The following IL19 variants were observed in gnomAD, a reference collection of about 807,000 sequenced individuals.
IL19 encodes interleukin 19.
A neutral mutation model predicts 19.5 loss-of-function variants in IL19; 15 were observed. The observed-to-expected ratio is 0.77, with a 90% confidence interval of 0.52 to 1.19. IL19 has a LOEUF of 1.19. Ranked by LOEUF, IL19 falls within the 50% of genes most tolerant of loss-of-function variation. IL19 has a pLI of 0.00. For synonymous variants in IL19, 78 were observed against 78.3 expected (o/e 1.00, Z 0.02); for missense variants, 199 against 213.1 (o/e 0.93, Z 0.41).
chr1:206,829,098 C>CT (rs1676519223), intron 2 of IL19: 1 of 151,578 alleles, frequency 6.6e-6, no homozygotes, highest in Admixed American at 6.6e-5. Flanking sequence ...ATCCTCCCAC[C>CT]TCGGCTTCCC....
At chr1:206,805,519 A>G (rs1675827268) in intron 2 of IL19, among the ~76,000 whole-genome samples, 1 of 152,284 alleles carries the variant, frequency 6.6e-6, no homozygotes, top group Non-Finnish European at 1.5e-5. Context: ...GAAATATTTT[A>G]TCAGGCTGGA....
At chr1:206,833,561 T>C in intron 2 of IL19, 1 of 572,054 alleles carries the variant, frequency 1.7e-6, no homozygotes, top group Non-Finnish European at 2.2e-6. Context: ...TTATACCCTA[T>C]CTTTTCATTG....
Position 206,836,776 on chromosome 1 carries a change from A to T in IL19, c.114A>T (p.Glu38Asp). 1 of 1,614,190 alleles carries T rather than the reference A, an allele frequency of 6.2e-7. No individual in the cohort carries two copies. The highest frequency in any genetic ancestry group is 1.3e-5 in the African/African-American group (1 of 75,052). The change falls in exon 3 of 7, where the codon GAA becomes GAT. Residue 38 changes from glutamate to aspartate, a missense_variant. Physicochemically the swap from Glu to Asp is conservative, Grantham distance 45. Transcript: ENST00000659997. ...TTTCCACAGACATGCACCATATAGA[A>T]GAGAGTTTCCAAGAAATCAAAAGAG... ...CLISTDMHHI[E>D]ESFQEIKRAI... is the part of the protein sequence containing the mutation.
At chr1:206,813,295 T>C (rs1257539936) in intron 2 of IL19, among the ~76,000 whole-genome samples, 1 of 152,222 alleles carries the variant, frequency 6.6e-6, no homozygotes, top group Non-Finnish European at 1.5e-5. Flanking sequence ...CTCCTTCCTA[T>C]ATGCTTCCTG....
At chr1:206,772,926 T>C (rs1162750015) in intron 1 of IL19, among the ~76,000 whole-genome samples, 2 of 152,168 alleles carry the variant, frequency 1.3e-5, no homozygotes, top group Non-Finnish European at 2.9e-5. Flanking sequence ...CCAAGACTTC[T>C]CCTTGCTAAC....
At chr1:206,827,660 C>CA in intron 2 of IL19, among the ~76,000 whole-genome samples, 1 of 150,424 alleles carries the variant, frequency 6.6e-6, no homozygotes, top group Non-Finnish European at 1.5e-5. Flanking sequence ...CACTGCACTC[C>CA]AGCCTGGGTG....
chr1:206,812,961 G>A (rs11119623), intron 2 of IL19, among the ~76,000 whole-genome samples: 45,474 of 152,084 alleles, frequency 0.3, 7,023 homozygotes, highest in East Asian at 0.41. Context: ...ACAATGACTT[G>A]AGACTTTATA....
At chr1:206,771,170 G>A in intron 1 of IL19, 92 bp downstream of exon 1, 2 of 1,320,460 alleles carry the variant, frequency 1.5e-6, no homozygotes, top group Middle Eastern at 1.9e-4. Context: ...TCCTTCACCA[G>A]AAGCCTCCCC....
intron 1 of IL19, among the ~76,000 whole-genome samples, chr1:206,773,871 T>C (rs920309783): frequency 1.3e-5 from 2 of 152,138 alleles, no homozygotes; most frequent in African/African-American, 4.8e-5. Context: ...TGCCACTCTA[T>C]AGTCAGGGCA....
chr1:206,838,830 C>T (rs1676898617), intron 4 of IL19, among the ~76,000 whole-genome samples: 1 of 147,436 alleles, frequency 6.8e-6, no homozygotes, highest in Non-Finnish European at 1.5e-5. Flanking sequence ...CTCACTCCCA[C>T]CTTCCTTTTT....
intron 2 of IL19, among the ~76,000 whole-genome samples, chr1:206,833,375 AT>A (rs1676675559): frequency 6.6e-6 from 1 of 152,354 alleles, no homozygotes; most frequent in African/African-American, 2.4e-5. Context: ...TTTGGCTATT[AT>A]CTTTCTCTCT....
intron 1 of IL19, among the ~76,000 whole-genome samples, chr1:206,773,167 C>T (rs1032417882): frequency 6.6e-6 from 1 of 152,122 alleles, no homozygotes; most frequent in Non-Finnish European, 1.5e-5. Context: ...CCCAACTGTG[C>T]TTGGGGGAAG....
chr1:206,826,642 C>A (rs1047873862), intron 2 of IL19, among the ~76,000 whole-genome samples: 1 of 152,326 alleles, frequency 6.6e-6, no homozygotes, highest in Middle Eastern at 3.4e-3. Context: ...CTCCCTGGCT[C>A]CCAGTACCCA....
intron 1 of IL19, among the ~76,000 whole-genome samples, chr1:206,785,179 G>C (rs1409733841): frequency 6.6e-6 from 1 of 152,192 alleles, no homozygotes; most frequent in African/African-American, 2.4e-5. Flanking sequence ...TGCAGGCTCT[G>C]GATCAGCAGA....
At chr1:206,794,552 C>T (rs1391003067) in intron 1 of IL19, among the ~76,000 whole-genome samples, 1 of 152,196 alleles carries the variant, frequency 6.6e-6, no homozygotes, top group African/African-American at 2.4e-5. Context: ...GTCCTCCCTA[C>T]TTGTAGCATG....
In IL19 at chr1:206,815,145, A is replaced by G. The variant is rs79504998; in HGVS notation, c.-3+16139A>G. 5.6e-4 allele frequency among the ~76,000 whole-genome samples: 85 copies of G among 152,258 alleles called. 1 individual carries two copies. In the South Asian group the frequency reaches 0.015, roughly 27 times the overall value. On this transcript the variant is annotated intron_variant, in intron 2 of 6. Transcript: ENST00000659997. ...AGCTCTGCCAGAGCAGTGGGCTGTGAACCTCCTTCCCATGTGAGTCTATCT... is the reference window on the plus strand; with the variant it reads ...AGCTCTGCCAGAGCAGTGGGCTGTGGACCTCCTTCCCATGTGAGTCTATCT...
At position 206,839,954 on chromosome 1, in the gene IL19, C is replaced by T. The variant is rs1459298965; in HGVS notation, c.315C>T (p.Ser105=). The change falls in exon 5 of 7, where the codon AGC becomes AGT. Residue 105 remains serine (S), a synonymous_variant. Coordinates refer to ENST00000659997, the MANE Select transcript of IL19 (RefSeq NM_153758.5). ...EPNPKILRKI[S]SIANSFLYMQ... Reference sequence around the variant, plus strand: ...ACCCCAAAATCTTGAGAAAAATCAGCAGCATTGCCAACTCTTTCCTCTACA... The same window carrying T: ...ACCCCAAAATCTTGAGAAAAATCAGTAGCATTGCCAACTCTTTCCTCTACA... 1.2e-6 allele frequency: 2 copies of T among 1,614,060 alleles called. No individual in the cohort carries two copies. The highest frequency in any genetic ancestry group is 1.3e-5 in the African/African-American group (1 of 74,928).
intron 2 of IL19, among the ~76,000 whole-genome samples, chr1:206,822,174 G>A (rs902770132): frequency 2.0e-5 from 3 of 152,182 alleles, no homozygotes; most frequent in Admixed American, 6.5e-5. Flanking sequence ...GAGAATGAGC[G>A]GGGCAGGGTC....
intron 1 of IL19, among the ~76,000 whole-genome samples, chr1:206,794,156 T>C (rs568185406): frequency 6.6e-6 from 1 of 152,200 alleles, no homozygotes; most frequent in South Asian, 2.1e-4. Flanking sequence ...GTTTGGTCAT[T>C]GGGAGAGACT....
Sources: gnomAD v4.1 joint callset for allele counts (sites outside exome capture counted in the v4.1 genomes callset) on GRCh38, gnomAD v4.1.1 for gene constraint, MANE v1.5 for transcripts, NCBI Gene and HGNC (gene_info 2026-07-23, HGNC 2026-07-21) for gene names.